The following ANTXR2 variants were observed in gnomAD, a reference collection of about 807,000 sequenced individuals.
ANTXR2 encodes anthrax toxin receptor 2.
Under a neutral mutation model 73.7 loss-of-function variants are expected in ANTXR2, and 44 were observed. That is an observed-to-expected ratio of 0.60 (90% CI 0.47 to 0.77). The LOEUF is 0.77. ANTXR2 is among the 30% of genes least tolerant of loss of function. The probability of loss-of-function intolerance (pLI) is 0.00; values close to 1 mark genes in which losing one functional copy is unlikely to be tolerated. For missense variants in ANTXR2, 604 were observed against 592.5 expected, an observed-to-expected ratio of 1.02 and a Z score of -0.20; for synonymous variants, 217 against 205.9, an observed-to-expected ratio of 1.05 and a Z score of -0.46.
chr4:80,028,324 G>A (rs553552088), intron 10 of ANTXR2, among the ~76,000 whole-genome samples: 4 of 152,040 alleles, frequency 2.6e-5, no homozygotes, highest in South Asian at 4.2e-4. Flanking sequence ...TCCAAATGAC[G>A]ACCTATGTCC....
chr4:79,952,929 C>G (rs1468092002), intron 16 of ANTXR2, among the ~76,000 whole-genome samples: 1 of 151,986 alleles, frequency 6.6e-6, no homozygotes, highest in African/African-American at 2.4e-5. Context: ...TCTTTCTCAG[C>G]AAAATATTAT....
At chr4:79,915,677 C>T (rs1159463961) in intron 16 of ANTXR2, among the ~76,000 whole-genome samples, 3 of 151,808 alleles carry the variant, frequency 2.0e-5, no homozygotes, top group Admixed American at 6.6e-5. Context: ...ATCAAGAGGT[C>T]CAGGAAATCA....
At chr4:79,931,034 AT>A (rs2109960574) in intron 16 of ANTXR2, among the ~76,000 whole-genome samples, 1 of 152,328 alleles carries the variant, frequency 6.6e-6, no homozygotes, top group Non-Finnish European at 1.5e-5. Flanking sequence ...CCTAAATAGA[AT>A]TGTAATATTA....
At chr4:80,000,189 T>C (rs1202190097) in intron 12 of ANTXR2, among the ~76,000 whole-genome samples, 3 of 152,068 alleles carry the variant, frequency 2.0e-5, no homozygotes, top group Non-Finnish European at 1.5e-5. Context: ...AATTAATAAA[T>C]TCTTATGTAG....
chr4:80,044,347 A>G (rs1733416590), intron 7 of ANTXR2, among the ~76,000 whole-genome samples: 1 of 151,974 alleles, frequency 6.6e-6, no homozygotes. Flanking sequence ...CACATGCTAT[A>G]ATAACAAACG....
chr4:80,041,448 T>C (rs920431704), intron 7 of ANTXR2, among the ~76,000 whole-genome samples: 4 of 152,092 alleles, frequency 2.6e-5, no homozygotes. Context: ...TTTCCTTTTT[T>C]CTCAAAATTT....
At chr4:79,990,339 T>C (rs1310957882) in intron 12 of ANTXR2, among the ~76,000 whole-genome samples, 1 of 124,438 alleles carries the variant, frequency 8.0e-6, no homozygotes, top group South Asian at 2.7e-4. Context: ...ATACCAATAA[T>C]GTCCAAGCTG....
intron 16 of ANTXR2, among the ~76,000 whole-genome samples, chr4:79,959,039 A>T (rs939803566): frequency 6.8e-4 from 103 of 152,084 alleles, no homozygotes; most frequent in Non-Finnish European, 1.3e-4. Flanking sequence ...AATGTTTTTA[A>T]AAAATGAAAA....
At chr4:79,951,775 A>G (rs1048291280) in intron 16 of ANTXR2, among the ~76,000 whole-genome samples, 7 of 152,166 alleles carry the variant, frequency 4.6e-5, no homozygotes, top group African/African-American at 1.7e-4. Context: ...TCTCTCTTCT[A>G]TAAAACCTCA....
chr4:80,008,653 A>G, intron 11 of ANTXR2, 37 bp from the exon 12 acceptor site: 3 of 1,392,270 alleles, frequency 2.2e-6, no homozygotes, highest in East Asian at 4.9e-5. Context: ...AGCAGTCAGC[A>G]CAGCTTATGG....
chr4:80,048,275 A>C (rs548856360), intron 7 of ANTXR2, among the ~76,000 whole-genome samples: 6 of 150,966 alleles, frequency 4.0e-5, no homozygotes, highest in Non-Finnish European at 5.9e-5. Flanking sequence ...GGTAAAAAAA[A>C]AAAAAAACAA....
chr4:79,978,354 T>C (rs898916311), intron 14 of ANTXR2, among the ~76,000 whole-genome samples, 180 bp from the exon 15 acceptor site: 1 of 142,624 alleles, frequency 7.0e-6, no homozygotes, highest in African/African-American at 2.5e-5. Flanking sequence ...CCTGACTGTA[T>C]TTAATATTAA....
chr4:79,914,450 T>C (rs1057299228), intron 16 of ANTXR2, among the ~76,000 whole-genome samples: 8 of 152,162 alleles, frequency 5.3e-5, no homozygotes, highest in African/African-American at 1.9e-4. Flanking sequence ...TATAAGCAAA[T>C]GTAAACTAAT....
chr4:79,924,601 G>A (rs1435599312), intron 16 of ANTXR2, among the ~76,000 whole-genome samples: 1 of 152,078 alleles, frequency 6.6e-6, no homozygotes, highest in Non-Finnish European at 1.5e-5. Flanking sequence ...CATTATCAGA[G>A]TTGTTCTTCT....
At chr4:80,044,151 C>T (rs959152803) in intron 7 of ANTXR2, among the ~76,000 whole-genome samples, 5 of 151,800 alleles carry the variant, frequency 3.3e-5, no homozygotes, top group Non-Finnish European at 5.9e-5. Context: ...TAATAACTGA[C>T]GGTAAAGACA....
At chr4:79,937,713 TAA>T (rs1207378412) in intron 16 of ANTXR2, among the ~76,000 whole-genome samples, 1 of 151,482 alleles carries the variant, frequency 6.6e-6, no homozygotes, top group Non-Finnish European at 1.5e-5. Context: ...TAAAACCCCC[TAA>T]GAGAGGAGCC....
chr4:79,996,335 A>ATGGATGGC (rs1221270138), intron 12 of ANTXR2, among the ~76,000 whole-genome samples: 1 of 151,528 alleles, frequency 6.6e-6, no homozygotes, highest in Admixed American at 6.6e-5. Flanking sequence ...GGATGGATGG[A>ATGGATGGC]TGGATGGATG....
intron 16 of ANTXR2, among the ~76,000 whole-genome samples, chr4:79,924,930 T>C (rs28610894): frequency 0.33 from 49,976 of 152,004 alleles, 10,258 homozygotes; most frequent in Non-Finnish European, 0.45. Context: ...CATCCTATCA[T>C]TACAGATAGA....
intron 10 of ANTXR2, among the ~76,000 whole-genome samples, chr4:80,024,193 G>T (rs1172200921): frequency 1.3e-5 from 2 of 152,180 alleles, no homozygotes; most frequent in Admixed American, 1.3e-4. Context: ...TGACCTCAAA[G>T]TTTCTGTCTT....
Sources: allele counts gnomAD v4.1 joint callset (sites outside exome capture counted in the v4.1 genomes callset), GRCh38; gene constraint gnomAD v4.1.1; transcripts MANE v1.5; gene names NCBI Gene and HGNC (gene_info 2026-07-23, HGNC 2026-07-21).